The following TMC7 variants were observed in gnomAD, a reference collection of about 807,000 sequenced individuals.
The protein encoded by TMC7 is transmembrane channel-like protein 7.
Under a neutral mutation model 82.9 loss-of-function variants are expected in TMC7, and 54 were observed. The ratio of observed to expected loss-of-function variants is 0.65; its 90% CI spans 0.52 to 0.82. The LOEUF is 0.82. TMC7 is among the 40% of genes least tolerant of loss of function. The probability of loss-of-function intolerance (pLI) is 0.00; values close to 1 mark genes in which losing one functional copy is unlikely to be tolerated. For synonymous variants in TMC7, 350 were observed against 337.9 expected (o/e 1.04, Z -0.39); for missense variants, 820 against 901.2 (o/e 0.91, Z 1.15).
intron 14 of TMC7, among the ~76,000 whole-genome samples, chr16:19,058,556 CTCTT>C (rs781390315): frequency 7.2e-4 from 110 of 152,266 alleles, no homozygotes; most frequent in Admixed American, 2.6e-3. Flanking sequence ...GTCATTCTCT[CTCTT>C]TCTGTCATTC....
intron 11 of TMC7, among the ~76,000 whole-genome samples, chr16:19,046,593 G>T (rs549770987): frequency 6.6e-6 from 1 of 152,072 alleles, no homozygotes; most frequent in Non-Finnish European, 1.5e-5. Flanking sequence ...CCTAGCACTG[G>T]GGAGGCCAAG....
intron 1 of TMC7, among the ~76,000 whole-genome samples, chr16:18,993,383 A>G (rs1318158751): frequency 1.3e-5 from 2 of 152,272 alleles, no homozygotes; most frequent in East Asian, 1.9e-4. Flanking sequence ...TGAAATGATG[A>G]CAGAATAGAA....
intron 1 of TMC7, among the ~76,000 whole-genome samples, chr16:18,998,110 C>G (rs1237696714): frequency 1.3e-5 from 2 of 152,170 alleles, no homozygotes; most frequent in Admixed American, 1.3e-4. Context: ...GGCTGCTTTC[C>G]TGCTACAAGG....
intron 8 of TMC7, among the ~76,000 whole-genome samples, chr16:19,039,440 T>G (rs1391717205): frequency 6.6e-6 from 1 of 152,104 alleles, no homozygotes; most frequent in Non-Finnish European, 1.5e-5. Flanking sequence ...ATGGCCACAT[T>G]CTAGCCAAGG....
chr16:19,023,596 G>A (rs1960085375), intron 5 of TMC7, among the ~76,000 whole-genome samples: 1 of 152,096 alleles, frequency 6.6e-6, no homozygotes, highest in African/African-American at 2.4e-5. Context: ...ACACGTGTGT[G>A]CCACCACGCC....
At chr16:19,056,036 G>T (rs1240239474) in intron 13 of TMC7, among the ~76,000 whole-genome samples, 2 of 151,832 alleles carry the variant, frequency 1.3e-5, no homozygotes, top group Non-Finnish European at 2.9e-5. Flanking sequence ...TAAACTGGAA[G>T]TTAGGTCTAG....
chr16:19,041,192 G>A (rs375193355), intron 9 of TMC7, among the ~76,000 whole-genome samples: 2 of 151,658 alleles, frequency 1.3e-5, no homozygotes, highest in East Asian at 3.9e-4. Context: ...CACCATGCCC[G>A]GTCTCAAAGT....
Position 19,018,414 on chromosome 16 carries a change from G to T in TMC7, c.460+1816G>T, listed in dbSNP as rs186829182. 4.6e-5 allele frequency among the ~76,000 whole-genome samples: 7 copies of T among 152,184 alleles called. No homozygotes were observed. In the East Asian group the frequency reaches 7.7e-4, roughly 17 times the overall value. On this transcript the variant is annotated intron_variant, in intron 3 of 15. Coordinates refer to ENST00000304381, the MANE Select transcript of TMC7 (RefSeq NM_024847.4). ...TTCTTGCTGTGTTCACGTAACCTTTGCTTTGAGTGTGCTCTGAGAAAGAGT... is the reference window on the plus strand; with the variant it reads ...TTCTTGCTGTGTTCACGTAACCTTTTCTTTGAGTGTGCTCTGAGAAAGAGT...
chr16:19,013,716 A>G (rs1463849947), intron 2 of TMC7, among the ~76,000 whole-genome samples: 3 of 148,296 alleles, frequency 2.0e-5, no homozygotes, highest in Non-Finnish European at 3.0e-5. Context: ...ACGGGGTTTC[A>G]CCATGTTGGT....
intron 10 of TMC7, 112 bp from the exon 11 acceptor site, chr16:19,045,229 A>G (rs1961215264): frequency 6.4e-6 from 6 of 944,718 alleles, no homozygotes; most frequent in Middle Eastern, 2.5e-4. Flanking sequence ...TGATGCCCTC[A>G]CTGGAGCCAC....
Position 19,045,358 on chromosome 16 carries a change from T to C in TMC7, c.1473T>C (p.Val491=). The C allele has an allele frequency of 1.2e-6, 2 of 1,614,026 alleles. No homozygotes were observed. The highest frequency in any genetic ancestry group is 1.7e-6 in the Non-Finnish European group (2 of 1,179,974). ...GATTTCAGTGCTGGGAGACCCAAGT[T>C]GGGCAGGAAATGTACAAGCTGATGA... ...QKLYPCWETQ[V]GQEMYKLMIF... is the part of the protein sequence containing the mutation. The change falls in exon 11 of 16, where the codon GTT becomes GTC. Residue 491 remains valine, a synonymous_variant. Coordinates refer to ENST00000304381, the MANE Select transcript of TMC7 (RefSeq NM_024847.4).
chr16:19,012,559 C>T (rs772601979), intron 2 of TMC7, among the ~76,000 whole-genome samples: 6 of 151,718 alleles, frequency 4.0e-5, no homozygotes, highest in African/African-American at 9.7e-5. Context: ...GAGGCCAAGG[C>T]GGGTGGATCA....
At position 19,044,083 on chromosome 16, in the gene TMC7, G is replaced by C. The variant is rs113829629; in HGVS notation, c.1338-801G>C. On this transcript the variant is annotated intron_variant, in intron 9 of 15. Transcript: ENST00000304381. ...CAGTTTCACCATGTTGACTAGGCCA[G>C]TCTTGAATTCCTGACCTCAGGTGAT... is the stretch of plus-strand genomic sequence containing the variant. Among the ~76,000 whole-genome samples the C allele has an allele frequency of 1.7e-3, 252 of 151,796 alleles. 1 individual carries two copies. The highest frequency in any genetic ancestry group is 5.8e-3 in the African/African-American group (241 of 41,380).
intron 13 of TMC7, among the ~76,000 whole-genome samples, chr16:19,054,740 CTTTTTTTTTT>C (rs71143826): frequency 1.6e-5 from 1 of 63,130 alleles, no homozygotes; most frequent in East Asian, 6.5e-4. Context: ...ATGGGATTTG[CTTTTTTTTTT>C]TTTTTTTTTT....
In TMC7 at chr16:19,061,613, G is replaced by A. The variant is rs761975726; in HGVS notation, c.2107-165G>A. Among the ~76,000 whole-genome samples, 3 of 152,156 alleles carry A rather than the reference G, an allele frequency of 2.0e-5. No individual in the cohort carries two copies. The South Asian group carries it at 6.2e-4, about 32-fold the overall frequency. ...CTGTGCATTTTTTAAAAAAAGGATC[G>A]GCTGCTTTGTGGACAAGGGGCTGTG... On this transcript the variant is annotated intron_variant, in intron 15 of 15. Transcript: ENST00000304381.
chr16:19,061,983 A>C lies in TMC7; in HGVS notation c.*140A>C, dbSNP rs1962030239. On this transcript the variant is annotated 3_prime_UTR_variant, in exon 16 of 16. Coordinates refer to ENST00000304381, the MANE Select transcript of TMC7 (RefSeq NM_024847.4). ...TGAGTTTAGGCTTTTCCATATGTGC[A>C]GCTGTGTTTACCTAACCCAGCCCTT... The C allele has an allele frequency of 1.6e-6, 1 of 606,476 alleles. No individual in the cohort carries two copies. Among genetic ancestry groups the C allele is most frequent in the Non-Finnish European group, 2.7e-6 (1 of 372,990 alleles). The allele number at this position is 606,476 out of a possible 1,614,324, so 37.6% of individuals were successfully genotyped here. A position where few individuals can be genotyped will look rare whatever the true frequency, so the allele number is the denominator to read the frequency against.
At chr16:19,011,449 G>C (rs1368244331) in intron 2 of TMC7, among the ~76,000 whole-genome samples, 1 of 151,840 alleles carries the variant, frequency 6.6e-6, no homozygotes, top group Non-Finnish European at 1.5e-5. Context: ...CAGGAGGATT[G>C]CTTGACAGCA....
At chr16:19,021,828 T>C in intron 4 of TMC7, 32 bp downstream of exon 4, 9 of 1,606,424 alleles carry the variant, frequency 5.6e-6, no homozygotes, top group Non-Finnish European at 7.7e-6. Flanking sequence ...CTACGAAGTG[T>C]GTTTGTTTTT....
chr16:18,997,729 C>CCTTTT (rs1567501076), intron 1 of TMC7, among the ~76,000 whole-genome samples: 1 of 119,484 alleles, frequency 8.4e-6, no homozygotes, highest in Non-Finnish European at 1.7e-5. Context: ...CAAATCCAGC[C>CCTTTT]TTTTTTTTTT....
Sources: allele counts gnomAD v4.1 joint callset (sites outside exome capture counted in the v4.1 genomes callset), GRCh38; gene constraint gnomAD v4.1.1; transcripts MANE v1.5; gene names NCBI Gene and HGNC (gene_info 2026-07-23, HGNC 2026-07-21).